The following NRG3 variants were observed in gnomAD, a reference collection of about 807,000 sequenced individuals.
The protein encoded by NRG3 is pro-neuregulin-3, membrane-bound isoform.
NRG3 carries 31 observed loss-of-function variants against 66.9 expected under a neutral mutation model. The observed-to-expected ratio is 0.46, with a 90% CI of 0.35 to 0.63. The LOEUF (loss-of-function observed/expected upper bound fraction) is 0.63, where lower values mean the gene tolerates loss of function less well. Among genes scored for constraint, NRG3 ranks in the 20% least tolerant of loss-of-function variants. The pLI, the probability that NRG3 is intolerant of heterozygous loss-of-function variation, is 0.00. For missense variants in NRG3, 910 were observed against 878.9 expected, an observed-to-expected ratio of 1.04 and a Z score of -0.45; for synonymous variants, 393 against 359.4, an observed-to-expected ratio of 1.09 and a Z score of -1.06.
intron 2 of NRG3, among the ~76,000 whole-genome samples, chr10:82,738,007 T>G (rs1227961423): frequency 6.6e-6 from 1 of 151,954 alleles, no homozygotes; most frequent in East Asian, 1.9e-4. Context: ...TTTCAGACCT[T>G]GCCGGATAAA....
chr10:82,433,451 C>A (rs1351999394), intron 2 of NRG3, among the ~76,000 whole-genome samples: 1 of 152,138 alleles, frequency 6.6e-6, no homozygotes, highest in Admixed American at 6.5e-5. Flanking sequence ...TTTTGCTGTG[C>A]AGAAGCTTTT....
intron 2 of NRG3, among the ~76,000 whole-genome samples, chr10:82,498,125 A>C: frequency 6.6e-6 from 1 of 151,912 alleles, no homozygotes; most frequent in East Asian, 1.9e-4. Context: ...TCAGTTTTTA[A>C]AATGTATTAG....
intron 2 of NRG3, among the ~76,000 whole-genome samples, chr10:82,495,127 G>A (rs1843500694): frequency 6.6e-6 from 1 of 151,922 alleles, no homozygotes; most frequent in South Asian, 2.1e-4. Flanking sequence ...TTTTAATAGA[G>A]ATGGGGTTTC....
intron 1 of NRG3, among the ~76,000 whole-genome samples, chr10:81,927,609 G>A (rs777262717): frequency 8.6e-5 from 13 of 151,832 alleles, no homozygotes; most frequent in Non-Finnish European, 1.8e-4. Flanking sequence ...TTGTGTCTTC[G>A]ATTTACAAAA....
At chr10:81,938,639 G>GCA (rs1554861024) in intron 1 of NRG3, among the ~76,000 whole-genome samples, 3 of 151,676 alleles carry the variant, frequency 2.0e-5, no homozygotes, top group Non-Finnish European at 4.4e-5. Context: ...GTGTGTGTGT[G>GCA]TGCATGCATG....
chr10:82,201,517 G>T (rs11192970), intron 1 of NRG3, among the ~76,000 whole-genome samples: 15,914 of 152,166 alleles, frequency 0.1, 1,703 homozygotes, highest in African/African-American at 0.28. Flanking sequence ...ATCTACTACA[G>T]GAGACCAGCT....
intron 1 of NRG3, among the ~76,000 whole-genome samples, chr10:82,230,612 T>C (rs897779901): frequency 3.3e-5 from 5 of 151,692 alleles, no homozygotes; most frequent in Admixed American, 2.6e-4. Context: ...TGAAAATGAA[T>C]AGAGGAATTA....
intron 1 of NRG3, among the ~76,000 whole-genome samples, chr10:82,286,866 G>A (rs566741902): frequency 2.6e-5 from 4 of 152,272 alleles, no homozygotes; most frequent in East Asian, 3.9e-4. Flanking sequence ...GATTACAGGC[G>A]TGAGCCACCG....
chr10:82,558,562 T>G (rs2044805784), intron 2 of NRG3, among the ~76,000 whole-genome samples: 1 of 152,024 alleles, frequency 6.6e-6, no homozygotes, highest in African/African-American at 2.4e-5. Context: ...TGCATTACAT[T>G]AAGTACTGAA....
intron 2 of NRG3, among the ~76,000 whole-genome samples, chr10:82,647,371 A>G (rs2051028297): frequency 6.6e-6 from 1 of 152,178 alleles, no homozygotes; most frequent in Non-Finnish European, 1.5e-5. Flanking sequence ...TCCATGGTGT[A>G]TATGTGCCAC....
chr10:82,573,534 G>A (rs771191), intron 2 of NRG3, among the ~76,000 whole-genome samples: 12,922 of 151,810 alleles, frequency 0.085, 634 homozygotes, highest in East Asian at 0.15. Context: ...TCTCCGCATA[G>A]TATGTGATTC....
chr10:82,321,811 A>C, intron 1 of NRG3, among the ~76,000 whole-genome samples: 1 of 152,256 alleles, frequency 6.6e-6, no homozygotes, highest in East Asian at 1.9e-4. Context: ...CTGAAGGCAT[A>C]GAACCTTTTT....
Position 82,132,507 on chromosome 10 carries a change from T to TAG in NRG3, c.824-226231_824-226230insGA, listed in dbSNP as rs1472732431. Reference sequence around the variant, plus strand: ...ATATATATATGATATATATATATCATATATATATGATATATATGATATATA... The same window carrying TAG: ...ATATATATATGATATATATATATCATAGATATATATGATATATATGATATATA... On this transcript the variant is annotated intron_variant, in intron 1 of 8. Transcript: ENST00000372141. Among the ~76,000 whole-genome samples the TAG allele has an allele frequency of 3.4e-5, 2 of 59,122 alleles. 1 individual carries two copies. The highest frequency in any genetic ancestry group is 5.9e-5 in the Non-Finnish European group (2 of 34,180). 38.8% of individuals were successfully genotyped at this position (59,122 alleles called of 152,430 possible).
At chr10:82,900,694 T>C (rs887173544) in intron 4 of NRG3, among the ~76,000 whole-genome samples, 1 of 152,146 alleles carries the variant, frequency 6.6e-6, no homozygotes, top group Non-Finnish European at 1.5e-5. Context: ...TGATCCCCAT[T>C]TTACAAATGA....
At chr10:82,117,908 C>T (rs778129175) in intron 1 of NRG3, among the ~76,000 whole-genome samples, 12 of 152,136 alleles carry the variant, frequency 7.9e-5, no homozygotes, top group Non-Finnish European at 1.5e-4. Flanking sequence ...TTACATTTCG[C>T]CTTCATTACT....
intron 1 of NRG3, among the ~76,000 whole-genome samples, chr10:82,000,632 C>T (rs536580834): frequency 6.6e-6 from 1 of 152,298 alleles, no homozygotes; most frequent in Admixed American, 6.5e-5. Flanking sequence ...CTGTATCTTC[C>T]TGGCTTCAGC....
At chr10:82,452,087 C>A (rs1041500984) in intron 2 of NRG3, among the ~76,000 whole-genome samples, 7 of 152,162 alleles carry the variant, frequency 4.6e-5, no homozygotes, top group African/African-American at 1.7e-4. Context: ...TGATATTTTG[C>A]AAAAGCTGAG....
intron 4 of NRG3, among the ~76,000 whole-genome samples, chr10:82,932,253 C>G (rs1847647575): frequency 6.6e-6 from 1 of 152,182 alleles, no homozygotes; most frequent in African/African-American, 2.4e-5. Context: ...GACCTCACCG[C>G]TACACACCAT....
rs555194536 is a variant in NRG3, at chr10:82,000,929, C to T, written c.823+124766C>T. On this transcript the variant is annotated intron_variant, in intron 1 of 8. Coordinates refer to ENST00000372141, the MANE Select transcript of NRG3 (RefSeq NM_001010848.4). ...TTTTCTCTTTTAAAATAATTTTATT[C>T]AATTTATGAATTTGTTTCAGTTTTT... 7.9e-5 allele frequency among the ~76,000 whole-genome samples: 12 copies of T among 152,132 alleles called. No individual in the cohort carries two copies. The South Asian group carries it at 2.5e-3, about 32-fold the overall frequency.
Sources: allele counts gnomAD v4.1 joint callset (sites outside exome capture counted in the v4.1 genomes callset), GRCh38; gene constraint gnomAD v4.1.1; transcripts MANE v1.5; gene names NCBI Gene and HGNC (gene_info 2026-07-23, HGNC 2026-07-21).